Variants in RNF149 observed in about 807,000 individuals in gnomAD.
RNF149 encodes ring finger protein 149, also known as E3 ubiquitin-protein ligase RNF149.
A neutral mutation model predicts 39.0 loss-of-function variants in RNF149; 21 were observed. The observed-to-expected ratio is 0.54, with a 90% CI of 0.38 to 0.77. The LOEUF is 0.77. Among genes scored for constraint, RNF149 ranks in the 30% least tolerant of loss-of-function variants. The probability of loss-of-function intolerance (pLI) is 0.00; values close to 1 mark genes in which losing one functional copy is unlikely to be tolerated. For synonymous variants in RNF149, 209 were observed against 213.6 expected, an observed-to-expected ratio of 0.98 and a Z score of 0.19; for missense variants, 493 against 534.9, an observed-to-expected ratio of 0.92 and a Z score of 0.77.
chr2:101,281,775 T>C (rs140554115), intron 6 of RNF149, 84 bp downstream of exon 6: 20,559 of 1,531,934 alleles, frequency 0.013, 176 homozygotes, highest in Non-Finnish European at 0.017. Flanking sequence ...CCTCCCACCT[T>C]AAACTCCCAA....
chr2:101,308,393 C>A lies in RNF149; in HGVS notation c.196G>T (p.Asp66Tyr). 1 of 1,610,168 alleles carries A rather than the reference C, an allele frequency of 6.2e-7. No homozygotes were observed. The highest frequency in any genetic ancestry group is 2.2e-5 in the East Asian group (1 of 44,700). Residue 66 changes from aspartate (D) to tyrosine (Y), a missense_variant, in exon 1 of 7, where the codon GAC becomes TAC. Coordinates refer to ENST00000295317, the MANE Select transcript of RNF149 (RefSeq NM_173647.4). ...WSVSESGRFGDSSPKEGAHGL... is the reference protein window; with the variant it reads ...WSVSESGRFGYSSPKEGAHGL... Reference sequence around the variant, plus strand: ...TGCGCGCCCTCCTTGGGCGAGCTGTCGCCGAAGCGGCCACTCTCCGAGACG... The same window carrying A: ...TGCGCGCCCTCCTTGGGCGAGCTGTAGCCGAAGCGGCCACTCTCCGAGACG...
intron 2 of RNF149, 51 bp from the exon 3 acceptor site, chr2:101,294,133 C>T: frequency 9.7e-7 from 1 of 1,028,974 alleles, no homozygotes; most frequent in Non-Finnish European, 1.5e-6. Flanking sequence ...AATTAAATCA[C>T]TATTTTTCTT....
Position 101,277,278 on chromosome 2 carries a change from G to A in RNF149, c.1163C>T (p.Ala388Val), listed in dbSNP as rs1276450826. Residue 388 changes from alanine to valine, a missense_variant, in exon 7 of 7, where the codon GCC (alanine) becomes GTC (valine). Ala to Val is a moderately conservative substitution (Grantham distance 64, BLOSUM62 0). Coordinates refer to ENST00000295317, the MANE Select transcript of RNF149 (RefSeq NM_173647.4). ...TCCATGCCGAGAGTCACTCCTGCCG[G>A]CTTCTGCAAGAGAGCAACATAAGCT... ...DAGENTALLEAGRSDSRHGGP... is the reference protein window; with the variant it reads ...DAGENTALLEVGRSDSRHGGP... 1 of 1,612,426 alleles carries A rather than the reference G, an allele frequency of 6.2e-7. No homozygotes were observed. Among genetic ancestry groups the A allele is most frequent in the Non-Finnish European group, 8.5e-7 (1 of 1,179,144 alleles).
chr2:101,301,101 A>G (rs1360016374), intron 1 of RNF149, among the ~76,000 whole-genome samples: 6 of 151,748 alleles, frequency 4.0e-5, no homozygotes, highest in African/African-American at 1.4e-4. Flanking sequence ...CTTAGAGGTT[A>G]TCTCTTCCTT....
intron 3 of RNF149, among the ~76,000 whole-genome samples, chr2:101,289,771 G>A (rs1296537757): frequency 1.3e-5 from 2 of 151,682 alleles, no homozygotes; most frequent in Non-Finnish European, 2.9e-5. Context: ...CGAACTCCTG[G>A]ACTCAAGCAA....
chr2:101,274,140 A>G (rs978036533), downstream of RNF149, among the ~76,000 whole-genome samples: 1 of 151,418 alleles, frequency 6.6e-6, no homozygotes, highest in African/African-American at 2.4e-5. Flanking sequence ...TGATCTTGCC[A>G]TTCTTGGACC....
downstream of RNF149, among the ~76,000 whole-genome samples, chr2:101,272,319 G>T (rs1464233492): frequency 4.6e-5 from 7 of 152,122 alleles, no homozygotes; most frequent in Admixed American, 2.0e-4. Context: ...TTTTCCTAAT[G>T]TTTAAATAAA....
chr2:101,305,676 C>T (rs977751509), intron 1 of RNF149, among the ~76,000 whole-genome samples: 5 of 152,248 alleles, frequency 3.3e-5, no homozygotes, highest in Admixed American at 6.5e-5. Context: ...CGCCCCAACA[C>T]ACACAGACAC....
intron 1 of RNF149, among the ~76,000 whole-genome samples, chr2:101,304,943 C>T (rs1361402150): frequency 4.0e-5 from 6 of 150,408 alleles, no homozygotes; most frequent in Non-Finnish European, 8.8e-5. Context: ...CAGGTTCAAG[C>T]GATTCTCCTG....
At chr2:101,272,200 C>A (rs900154219), downstream of RNF149, among the ~76,000 whole-genome samples, 1 of 152,178 alleles carries the variant, frequency 6.6e-6, no homozygotes, top group African/African-American at 2.4e-5. Context: ...TGTATAATCC[C>A]GGATCTGATA....
chr2:101,273,097 TA>T (rs1384296192), downstream of RNF149: 1 of 1,363,956 alleles, frequency 7.3e-7, no homozygotes, highest in South Asian at 1.1e-5. Flanking sequence ...TCAGGATCCC[TA>T]AAAAGATAGC....
At chr2:101,286,052 G>C (rs749483778) in intron 5 of RNF149, 29 bp downstream of exon 5, 2 of 1,301,288 alleles carry the variant, frequency 1.5e-6, no homozygotes, top group Non-Finnish European at 2.2e-6. Flanking sequence ...CTGGGGCAGA[G>C]ATTGAATATA....
rs1445826378 is a variant in RNF149, at chr2:101,282,017, G to T, written c.1001C>A (p.Ser334Tyr). The change falls in exon 6 of 7, where the codon TCT becomes TAT. Residue 334 changes from serine (S) to tyrosine (Y), a missense_variant. Physicochemically the swap from Ser to Tyr is moderately radical, Grantham distance 144. Transcript: ENST00000295317. ...TGCAGCTGGATCCCTTCCAGGAGGA[G>T]ATTCTGGAGCAGGCATCTCCTGTAC... Reference protein sequence around the residue: ...GDVQEMPAPESPPGRDPAANL... With the variant: ...GDVQEMPAPEYPPGRDPAANL... The T allele has an allele frequency of 4.3e-6, 7 of 1,613,874 alleles. No homozygotes were observed. The Admixed American group carries it at 1.2e-4, about 27-fold the overall frequency.
At chr2:101,281,732 T>G in intron 6 of RNF149, 127 bp downstream of exon 6, 1 of 1,148,436 alleles carries the variant, frequency 8.7e-7, no homozygotes, top group Non-Finnish European at 1.3e-6. Context: ...AATTTCTGGT[T>G]ACTTACTCTT....
chr2:101,308,614 G>A lies in RNF149; in HGVS notation c.-26C>T, dbSNP rs749098580. ...GGCAGCACCGCTGAGCTGACTAGGGGGAGTCAGGGTCACGCGCGAGTGCGG... is the reference window on the plus strand; with the variant it reads ...GGCAGCACCGCTGAGCTGACTAGGGAGAGTCAGGGTCACGCGCGAGTGCGG... On this transcript the variant is annotated 5_prime_UTR_variant, in exon 1 of 7. Transcript: ENST00000295317. 4.1e-5 allele frequency: 61 copies of A among 1,494,720 alleles called. No individual in the cohort carries two copies. Among genetic ancestry groups the A allele is most frequent in the Non-Finnish European group, 5.3e-5 (60 of 1,130,936 alleles). 92.6% of individuals were successfully genotyped at this position (1,494,720 alleles called of 1,614,324 possible).
chr2:101,295,144 T>C lies in RNF149; in HGVS notation c.498A>G (p.Pro166=), dbSNP rs370820377. The change falls in exon 2 of 7, where the codon CCA becomes CCG. Residue 166 remains proline (P), a synonymous_variant. Coordinates refer to ENST00000295317, the MANE Select transcript of RNF149 (RefSeq NM_173647.4). ...CCAGCTCCAAAATTTCTCTTCCTTT[T>C]GGATAGCTAATCATAATGACCACTA... ...GNIVVIMISY[P]KGREILELVQ... is the part of the protein sequence containing the mutation. 1.5e-5 allele frequency: 25 copies of C among 1,613,922 alleles called. No homozygotes were observed. In the African/African-American group the frequency reaches 3.2e-4, roughly 21 times the overall value.
chr2:101,276,041 CTT>C lies in RNF149; in HGVS notation c.*1195_*1196del. 1.2e-6 allele frequency: 1 copy of C among 843,390 alleles called. No homozygotes were observed. The highest frequency in any genetic ancestry group is 1.4e-6 in the Non-Finnish European group (1 of 700,590). The allele number at this position is 843,390 out of a possible 1,614,324, so 52.2% of individuals were successfully genotyped here. The stretch of plus-strand genomic sequence containing the variant: ...GCTTGAGAAAATAATCTATATAAAT[CTT>C]TATATCCTACATATGGCTATAAAAA... On this transcript the variant is annotated 3_prime_UTR_variant, in exon 7 of 7. Coordinates refer to ENST00000295317, the MANE Select transcript of RNF149 (RefSeq NM_173647.4).
chr2:101,281,269 G>A (rs1434909164), intron 6 of RNF149, among the ~76,000 whole-genome samples: 1 of 151,996 alleles, frequency 6.6e-6, no homozygotes, highest in East Asian at 1.9e-4. Flanking sequence ...CATAGAAAGA[G>A]CTTCATATAT....
chr2:101,275,773 A>G lies in RNF149; in HGVS notation c.*1465T>C. On this transcript the variant is annotated 3_prime_UTR_variant, in exon 7 of 7. Transcript: ENST00000295317. Reference sequence around the variant, plus strand: ...TATTTCTTAAAGACAAAGAGCAAACAATCTACTTGCTACAGAATCAGGATG... The same window carrying G: ...TATTTCTTAAAGACAAAGAGCAAACGATCTACTTGCTACAGAATCAGGATG... 1.0e-6 allele frequency: 1 copy of G among 981,598 alleles called. No homozygotes were observed. The highest frequency in any genetic ancestry group is 1.1e-4 in the East Asian group (1 of 8,796). 60.8% of individuals were successfully genotyped at this position (981,598 alleles called of 1,614,324 possible).
Sources: allele counts gnomAD v4.1 joint callset (sites outside exome capture counted in the v4.1 genomes callset), GRCh38; gene constraint gnomAD v4.1.1; transcripts MANE v1.5; gene names NCBI Gene and HGNC (gene_info 2026-07-23, HGNC 2026-07-21).